Variants in NUP85 observed in about 807,000 individuals in gnomAD.
The protein encoded by NUP85 is nucleoporin 85.
Under a neutral mutation model 92.8 loss-of-function variants are expected in NUP85, and 23 were observed. That is an observed-to-expected ratio of 0.25 (90% confidence interval 0.18 to 0.35). The LOEUF (loss-of-function observed/expected upper bound fraction) is 0.35. NUP85 is among the 10% of genes least tolerant of loss of function. The pLI, the probability that NUP85 is intolerant of heterozygous loss-of-function variation, is 1.00. For synonymous variants in NUP85, 314 were observed against 306.9 expected (o/e 1.02, Z -0.24); for missense variants, 759 against 822.8 (o/e 0.92, Z 0.95).
intron 7 of NUP85, among the ~76,000 whole-genome samples, chr17:75,218,814 G>A (rs2075513257): frequency 6.6e-6 from 1 of 151,998 alleles, no homozygotes; most frequent in Non-Finnish European, 1.5e-5. Context: ...TTGTGCAGTG[G>A]CCTGATCTTG....
chr17:75,229,223 A>G, intron 11 of NUP85: 2 of 911,024 alleles, frequency 2.2e-6, no homozygotes, highest in Non-Finnish European at 2.6e-6. Context: ...CCCAGCCCAC[A>G]ATCTTGGATG....
At chr17:75,233,245 G>C (rs538670999) in intron 16 of NUP85, 87 bp downstream of exon 16, 2 of 1,037,190 alleles carry the variant, frequency 1.9e-6, no homozygotes, top group South Asian at 1.3e-5. Context: ...TTCTCCCAGC[G>C]CTTCCTTCAT....
intron 1 of NUP85, among the ~76,000 whole-genome samples, chr17:75,207,949 C>A (rs1286321908): frequency 6.6e-6 from 1 of 152,004 alleles, no homozygotes; most frequent in Non-Finnish European, 1.5e-5. Context: ...GAGATTGCGT[C>A]ACTGCAGTCC....
intron 5 of NUP85, among the ~76,000 whole-genome samples, chr17:75,213,878 T>G (rs147813635): frequency 0.74 from 98,620 of 132,504 alleles, 36,226 homozygotes; most frequent in East Asian, 0.83. Flanking sequence ...TTTTTTTTTT[T>G]TTTTTTTTTT....
rs759765425 is a variant in NUP85 at position 75,234,698 on chromosome 17, CCTT to C, written c.1680_1682del (p.Leu561del). The C allele has an allele frequency of 1.1e-5, 17 of 1,614,206 alleles. No homozygotes were observed. The highest frequency in any genetic ancestry group is 1.7e-5 in the Admixed American group (1 of 60,028). On this transcript the variant is annotated inframe_deletion, in exon 17 of 19. Coordinates refer to ENST00000245544, the MANE Select transcript of NUP85 (RefSeq NM_024844.5). ...AGCGTTTTGCCGACGCAGCTTCTCT[CCTT>C]CTGTCCTTGATGACGTCTCGGATTG... is the stretch of plus-strand genomic sequence containing the variant.
chr17:75,213,225 C>A, intron 5 of NUP85, 106 bp downstream of exon 5: 2 of 932,174 alleles, frequency 2.1e-6, no homozygotes, highest in South Asian at 1.4e-5. Flanking sequence ...CTCTTCTTTT[C>A]AGGTAGATAG....
At chr17:75,234,322 G>A (rs1043101053) in intron 16 of NUP85, among the ~76,000 whole-genome samples, 1 of 152,172 alleles carries the variant, frequency 6.6e-6, no homozygotes, top group Non-Finnish European at 1.5e-5. Context: ...AAAGTGCTGG[G>A]GTTACAGGCA....
At position 75,232,856 on chromosome 17, in the gene NUP85, A is replaced by G. The variant is rs545737851; in HGVS notation, c.1402A>G (p.Ser468Gly). The G allele has an allele frequency of 2.3e-5, 37 of 1,614,108 alleles. No individual in the cohort carries two copies. The Admixed American group carries it at 5.8e-4, about 25-fold the overall frequency. Residue 468 changes from serine (S) to glycine (G), a missense_variant, in exon 15 of 19, where the codon AGC becomes GGC. Coordinates refer to ENST00000245544, the MANE Select transcript of NUP85 (RefSeq NM_024844.5). ...TTTTCTTTTCCCCTGCAAAGTTCGCAGCATTTGTAAGATCTTAGCCATGAA... is the reference window on the plus strand; with the variant it reads ...TTTTCTTTTCCCCTGCAAAGTTCGCGGCATTTGTAAGATCTTAGCCATGAA... ...EQRQMTEQVR[S>G]ICKILAMKAV...
Position 75,227,326 on chromosome 17 carries a change from G to GTT in NUP85, c.1094+1194_1094+1195dup, listed in dbSNP as rs71159460. On this transcript the variant is annotated intron_variant, in intron 11 of 18. Transcript: ENST00000245544. ...AAGTTTTTTGTGTGTTTGTTTCTGG[G>GTT]TTTTTTTTTTTTTTTTTTTTTTTTT... 4.9e-4 allele frequency among the ~76,000 whole-genome samples: 56 copies of GTT among 114,140 alleles called. 4 individuals are homozygous for GTT. Among genetic ancestry groups the GTT allele is most frequent in the Non-Finnish European group, 8.0e-4 (46 of 57,606 alleles). The allele number at this position is 114,140 out of a possible 152,430, so 74.9% of individuals were successfully genotyped here. A position where few individuals can be genotyped will look rare whatever the true frequency, so the allele number is the denominator to read the frequency against.
intron 8 of NUP85, 38 bp downstream of exon 8, chr17:75,225,275 G>T (rs1218617301): frequency 5.0e-6 from 8 of 1,609,300 alleles, no homozygotes; most frequent in Non-Finnish European, 5.9e-6. Context: ...GGTCACAGGA[G>T]ATGCGTGATT....
chr17:75,225,112 T>C lies in NUP85; in HGVS notation c.607T>C (p.Leu203=). ...HDSFWNLVTI[L]VLQGRLDEAR... Reference sequence around the variant, plus strand: ...CCGGATCTCCTCCCAGGTGACCATCTTGGTGCTGCAGGGCCGGCTGGATGA... The same window carrying C: ...CCGGATCTCCTCCCAGGTGACCATCCTGGTGCTGCAGGGCCGGCTGGATGA... Residue 203 remains leucine (L), a synonymous_variant, in exon 8 of 19, where the codon TTG becomes CTG. Transcript: ENST00000245544. 9.0e-6 allele frequency: 14 copies of C among 1,560,138 alleles called. No individual in the cohort carries two copies. Among genetic ancestry groups the C allele is most frequent in the Non-Finnish European group, 1.2e-5 (14 of 1,150,540 alleles).
At chr17:75,233,397 C>CTCTTTTTG (rs1481972431) in intron 16 of NUP85, among the ~76,000 whole-genome samples, 2 of 139,756 alleles carry the variant, frequency 1.4e-5, no homozygotes, top group African/African-American at 5.3e-5. Context: ...CTTTCTCTTT[C>CTCTTTTTG]TCTTTCTCTT....
chr17:75,234,892 C>T (rs2076268745), intron 17 of NUP85, 104 bp downstream of exon 17: 2 of 1,406,378 alleles, frequency 1.4e-6, no homozygotes, highest in East Asian at 4.6e-5. Flanking sequence ...GTCGTTCTGC[C>T]TGTGCGCGTG....
intron 10 of NUP85, 75 bp from the exon 11 acceptor site, chr17:75,225,976 G>A (rs1017302071): frequency 3.2e-5 from 51 of 1,601,804 alleles, no homozygotes; most frequent in African/African-American, 8.0e-5. Flanking sequence ...TCTGGGGTTC[G>A]TTATACAGCA....
In NUP85 at chr17:75,231,671, G is replaced by A. The variant is rs537685059; in HGVS notation, c.1244+33G>A. ...GGACCCCATGGGTGTGGGCTATGCG[G>A]GTGCTCTTCAGCATGCGGGTGCCAT... On this transcript the variant is annotated intron_variant, in intron 13 of 18. Coordinates refer to ENST00000245544, the MANE Select transcript of NUP85 (RefSeq NM_024844.5). This position sits in a 1 kb window ranked among gnomAD's most constrained non-coding sequence, Gnocchi z 4.6. 6.4e-7 allele frequency: 1 copy of A among 1,569,172 alleles called. No homozygotes were observed. Among genetic ancestry groups the A allele is most frequent in the Admixed American group, 1.8e-5 (1 of 54,594 alleles).
intron 9 of NUP85, 95 bp downstream of exon 9, chr17:75,225,559 A>G: frequency 1.3e-6 from 2 of 1,574,142 alleles, no homozygotes; most frequent in Non-Finnish European, 1.7e-6. Context: ...CTCCTTGGAT[A>G]GGGCTGTCTG....
rs777590322 is a variant in NUP85 at position 75,233,121 on chromosome 17, G to T, written c.1578G>T (p.Gly526=). The T allele has an allele frequency of 6.2e-7, 1 of 1,614,158 alleles. No individual in the cohort carries two copies. The highest frequency in any genetic ancestry group is 2.2e-5 in the East Asian group (1 of 44,880). Residue 526 remains glycine (G), a synonymous_variant, in exon 16 of 19, where the codon GGG becomes GGT. Coordinates refer to ENST00000245544, the MANE Select transcript of NUP85 (RefSeq NM_024844.5). ...ATTTGGATCTCATTGACAACCTGGGGCCAGCCATGATGCTCAGTGACCGAC... is the reference window on the plus strand; with the variant it reads ...ATTTGGATCTCATTGACAACCTGGGTCCAGCCATGATGCTCAGTGACCGAC... ...FSDLDLIDNL[G]PAMMLSDRLT...
Position 75,218,322 on chromosome 17 carries a change from C to T in NUP85, c.597+16C>T, listed in dbSNP as rs1304075534. ...CTGGAACTTGGTAAGACAGGCCGGG[C>T]CCCCACCTCCCACCATGTGTCCTAC... On this transcript the variant is annotated intron_variant, in intron 7 of 18. Transcript: ENST00000245544. The T allele has an allele frequency of 6.2e-7, 1 of 1,611,294 alleles. No homozygotes were observed. Among genetic ancestry groups the T allele is most frequent in the Non-Finnish European group, 8.5e-7 (1 of 1,178,352 alleles).
At chr17:75,228,381 C>T in intron 11 of NUP85, 1 of 985,392 alleles carries the variant, frequency 1.0e-6, no homozygotes, top group Non-Finnish European at 1.2e-6. Context: ...GGGATCTGAG[C>T]TCTGTTAGTG....
Sources: gnomAD v4.1 joint callset for allele counts (sites outside exome capture counted in the v4.1 genomes callset) on GRCh38, gnomAD v4.1.1 for gene constraint, Gnocchi (gnomAD v3.1) non-coding constraint, MANE v1.5 for transcripts, NCBI Gene and HGNC (gene_info 2026-07-23, HGNC 2026-07-21) for gene names.